LPA: variants seen among roughly 807,000 people sequenced by gnomAD.
LPA encodes apolipoprotein(a).
Under a neutral mutation model 197.9 loss-of-function variants are expected in LPA, and 199 were observed. The ratio of observed to expected loss-of-function variants is 1.01; its 90% CI spans 0.90 to 1.13. The LOEUF is 1.13. Ranked by LOEUF, LPA falls within the 50% of genes most tolerant of loss-of-function variation. The pLI, the probability that LPA is intolerant of heterozygous loss-of-function variation, is 0.00. For missense variants in LPA, 1,853 were observed against 1,785.8 expected (o/e 1.04, Z -0.68); for synonymous variants, 715 against 639.5 (o/e 1.12, Z -1.78).
In LPA at chr6:160,650,452, T is replaced by C; in HGVS notation, c.95A>G (p.Asp32Gly). 2 of 1,613,884 alleles carry C rather than the reference T, an allele frequency of 1.2e-6. No homozygotes were observed. Among genetic ancestry groups the C allele is most frequent in the Non-Finnish European group, 1.7e-6 (2 of 1,179,812 alleles). Residue 32 changes from aspartate (D) to glycine (G), a missense_variant, in exon 2 of 39, where the codon GAT (aspartate) becomes GGT (glycine). This residue lies in a region of LPA where 88 missense variants were observed against 83.0 expected (regional missense o/e 1.06). Coordinates refer to ENST00000316300, the MANE Select transcript of LPA (RefSeq NM_005577.4). The part of the protein sequence containing the change: ...SHVVQDCYHG[D>G]GQSYRGTYST... ...GTACGTGCCTCGATAACTCTGTCCA[T>C]CACCATGGTAGCAATCCTGGACCAC... is the stretch of plus-strand genomic sequence containing the variant.
rs531434632 is a variant in LPA, at chr6:160,654,410, C to T, written c.50-3913G>A. Among the ~76,000 whole-genome samples the T allele has an allele frequency of 9.9e-5, 15 of 151,950 alleles. No homozygotes were observed. The East Asian group carries it at 2.9e-3, about 30-fold the overall frequency. On this transcript the variant is annotated intron_variant, in intron 1 of 38. Coordinates refer to ENST00000316300, the MANE Select transcript of LPA (RefSeq NM_005577.4). Reference sequence around the variant, plus strand: ...TGGGTCTGCCTTCCCAGCCCACTGACTCAAATGTTAATCTCCTTTTGCCAC... The same window carrying T: ...TGGGTCTGCCTTCCCAGCCCACTGATTCAAATGTTAATCTCCTTTTGCCAC...
intron 23 of LPA, 110 bp downstream of exon 23, chr6:160,590,834 T>G: frequency 1.4e-6 from 2 of 1,446,482 alleles, no homozygotes; most frequent in Non-Finnish European, 1.9e-6. Context: ...TGACCCTGAG[T>G]CCACATTCAG....
In LPA at chr6:160,578,618, T is replaced by C; in HGVS notation, c.4376A>G (p.Tyr1459Cys). The C allele has an allele frequency of 6.2e-7, 1 of 1,613,978 alleles. No individual in the cohort carries two copies. Among genetic ancestry groups the C allele is most frequent in the Non-Finnish European group, 8.5e-7 (1 of 1,179,906 alleles). Residue 1459 changes from tyrosine (Y) to cysteine (C), a missense_variant, in exon 27 of 39, where the codon TAC (tyrosine) becomes TGC (cysteine). By Grantham distance (194) the Tyr-to-Cys change is radical (BLOSUM62 -2). Coordinates refer to ENST00000316300, the MANE Select transcript of LPA (RefSeq NM_005577.4). ...YTMDPSVRWE[Y>C]CNLTRCPVTE... ...CACTGGACATCGTGTCAGGTTGCAGTACTCCCACCTGACACTGGGATCCAT... is the reference window on the plus strand; with the variant it reads ...CACTGGACATCGTGTCAGGTTGCAGCACTCCCACCTGACACTGGGATCCAT...
At chr6:160,566,808 A>G (rs1384014760) in intron 28 of LPA, among the ~76,000 whole-genome samples, 1 of 152,230 alleles carries the variant, frequency 6.6e-6, no homozygotes, top group East Asian at 1.9e-4. Flanking sequence ...TCTACCAAGC[A>G]AATGGAAAAC....
Position 160,585,033 on chromosome 6 carries a change from A to T in LPA, c.4289+13T>A, listed in dbSNP as rs771744742. The stretch of plus-strand genomic sequence containing the variant: ...GACTATTGTTCCTTTTATGGCTAAC[A>T]TGATAGACATACGCATTTGGATAGT... On this transcript the variant is annotated intron_variant, in intron 26 of 38. Transcript: ENST00000316300. 1.2e-6 allele frequency: 2 copies of T among 1,613,408 alleles called. No homozygotes were observed. Among genetic ancestry groups the T allele is most frequent in the African/African-American group, 2.7e-5 (2 of 74,884 alleles).
chr6:160,584,218 CTT>C (rs1490395582), intron 26 of LPA, among the ~76,000 whole-genome samples: 42 of 121,428 alleles, frequency 3.5e-4, no homozygotes, highest in Middle Eastern at 7.5e-3. Context: ...TCTTCTTCTT[CTT>C]CTTCTTCTTC....
At position 160,578,775 on chromosome 6, in the gene LPA, T is replaced by G. The variant is rs920184595; in HGVS notation, c.4290-71A>C. ...TCAAGGGCACTTAGCGCCCTCTACA[T>G]TTTGCTGTAACAAAGTGTTAACAAG... On this transcript the variant is annotated intron_variant, in intron 26 of 38. Transcript: ENST00000316300. The G allele has an allele frequency of 3.1e-6, 5 of 1,608,386 alleles. No individual in the cohort carries two copies. In the Admixed American group the frequency reaches 8.4e-5, roughly 27 times the overall value.
chr6:160,650,118 C>T (rs534677955), intron 2 of LPA, among the ~76,000 whole-genome samples: 1 of 152,268 alleles, frequency 6.6e-6, no homozygotes, highest in African/African-American at 2.4e-5. Context: ...CTCACCACCG[C>T]CAGATATTCT....
chr6:160,652,080 A>T (rs552948278), intron 1 of LPA, among the ~76,000 whole-genome samples: 194 of 151,812 alleles, frequency 1.3e-3, no homozygotes, highest in African/African-American at 4.3e-3. Context: ...CTAACATTTG[A>T]ATACTTACAG....
chr6:160,601,670 C>G (rs1340525946), intron 18 of LPA, among the ~76,000 whole-genome samples: 1 of 152,220 alleles, frequency 6.6e-6, no homozygotes, highest in Non-Finnish European at 1.5e-5. Flanking sequence ...AACCATTGCA[C>G]AAAAAGTATT....
In LPA at chr6:160,595,334, T is replaced by C; in HGVS notation, c.3469+20A>G. ...ATCCCAACGTCCTAGGGTGTGGTTGTCTGGCCATAGACTTCCTACCTTCTT... is the reference window on the plus strand; with the variant it reads ...ATCCCAACGTCCTAGGGTGTGGTTGCCTGGCCATAGACTTCCTACCTTCTT... On this transcript the variant is annotated intron_variant, in intron 21 of 38. Coordinates refer to ENST00000316300, the MANE Select transcript of LPA (RefSeq NM_005577.4). 6.2e-7 allele frequency: 1 copy of C among 1,610,832 alleles called. No homozygotes were observed.
chr6:160,646,586 A>C (rs1779883364), intron 2 of LPA, among the ~76,000 whole-genome samples, 191 bp from the exon 3 acceptor site: 1 of 61,816 alleles, frequency 1.6e-5, no homozygotes, highest in Admixed American at 1.9e-4. Flanking sequence ...TCTCATACTT[A>C]ATAGATTATT....
At chr6:160,553,954 T>TGCGC (rs1554231703) in intron 30 of LPA, among the ~76,000 whole-genome samples, 13 of 130,738 alleles carry the variant, frequency 9.9e-5, no homozygotes, top group African/African-American at 1.8e-4. Context: ...TGTGTGTGTG[T>TGCGC]GCGCGCGCGC....
intron 33 of LPA, among the ~76,000 whole-genome samples, chr6:160,544,168 G>T (rs1250925935): frequency 6.6e-6 from 1 of 152,094 alleles, no homozygotes; most frequent in Admixed American, 6.6e-5. Flanking sequence ...GCACTACTGT[G>T]GGTGTTTGAG....
At chr6:160,604,437 C>G (rs368895979) in intron 18 of LPA, among the ~76,000 whole-genome samples, 1 of 152,126 alleles carries the variant, frequency 6.6e-6, no homozygotes, top group Non-Finnish European at 1.5e-5. Flanking sequence ...CTGGTCAGAC[C>G]TGGGCTTCTG....
intron 18 of LPA, 72 bp downstream of exon 18, chr6:160,604,961 CTGAACACTCAGCT>C: frequency 6.3e-7 from 1 of 1,587,300 alleles, no homozygotes; most frequent in Non-Finnish European, 8.6e-7. Context: ...AACTTGAGTC[CTGAACACTCAGCT>C]TGAAGCATGA....
At chr6:160,597,551 C>T (rs1779157716) in intron 20 of LPA, among the ~76,000 whole-genome samples, 1 of 152,036 alleles carries the variant, frequency 6.6e-6, no homozygotes, top group Non-Finnish European at 1.5e-5. Flanking sequence ...TAATTTTTTC[C>T]CTGGAAACAA....
intron 2 of LPA, among the ~76,000 whole-genome samples, chr6:160,648,192 A>G (rs1328201757): frequency 6.6e-6 from 1 of 152,148 alleles, no homozygotes; most frequent in East Asian, 1.9e-4. Context: ...TCTGATGGGA[A>G]CACATTAGTC....
At chr6:160,536,285 G>T (rs1411516990) in intron 37 of LPA, among the ~76,000 whole-genome samples, 1 of 152,170 alleles carries the variant, frequency 6.6e-6, no homozygotes, top group Non-Finnish European at 1.5e-5. Flanking sequence ...TGAAAACTTT[G>T]CAGCTCACTA....
Sources: gnomAD v4.1 joint callset for allele counts (sites outside exome capture counted in the v4.1 genomes callset) on GRCh38, gnomAD v4.1.1 for gene constraint, gnomAD v4.1.1 regional missense constraint, MANE v1.5 for transcripts, NCBI Gene and HGNC (gene_info 2026-07-23, HGNC 2026-07-21) for gene names.